The following GLIPR1L1 variants were observed in gnomAD, a reference collection of about 807,000 sequenced individuals.
GLIPR1L1 encodes GLIPR1-like protein 1.
In GLIPR1L1, 26 loss-of-function variants were observed where a neutral mutation model predicts 29.9. That is an observed-to-expected ratio of 0.87 (90% CI 0.64 to 1.21). GLIPR1L1 has a LOEUF of 1.21. GLIPR1L1 is among the 50% of genes most tolerant of loss of function. The probability of loss-of-function intolerance (pLI) is 0.00; values close to 1 mark genes in which losing one functional copy is unlikely to be tolerated. For missense variants in GLIPR1L1, 305 were observed against 290.3 expected, an observed-to-expected ratio of 1.05 and a Z score of -0.37; for synonymous variants, 77 against 97.5, an observed-to-expected ratio of 0.79 and a Z score of 1.24.
chr12:75,347,204 T>A (rs1408959481), intron 2 of GLIPR1L1, among the ~76,000 whole-genome samples: 1 of 152,146 alleles, frequency 6.6e-6, no homozygotes, highest in South Asian at 2.1e-4. Context: ...AAATTTAAGA[T>A]GTAATTTGTA....
At chr12:75,362,332 G>A (rs2043650990) in intron 3 of GLIPR1L1, among the ~76,000 whole-genome samples, 1 of 152,070 alleles carries the variant, frequency 6.6e-6, no homozygotes, top group African/African-American at 2.4e-5. Flanking sequence ...TTATTAGAAT[G>A]GCTAGAGAGT....
intron 4 of GLIPR1L1, among the ~76,000 whole-genome samples, chr12:75,366,415 T>C (rs922591801): frequency 1.3e-5 from 2 of 152,142 alleles, no homozygotes; most frequent in Non-Finnish European, 2.9e-5. Context: ...AACTCTTGAG[T>C]TGCAGATTGA....
chr12:75,347,461 G>A (rs1288265030), intron 2 of GLIPR1L1, among the ~76,000 whole-genome samples, 161 bp from the exon 3 acceptor site: 1 of 151,864 alleles, frequency 6.6e-6, no homozygotes, highest in East Asian at 1.9e-4. Context: ...GACAATATAA[G>A]AATTTTAATA....
chr12:75,351,345 G>A (rs932660695), intron 3 of GLIPR1L1, among the ~76,000 whole-genome samples: 1 of 152,092 alleles, frequency 6.6e-6, no homozygotes, highest in African/African-American at 2.4e-5. Flanking sequence ...ACCCCCGTAA[G>A]ATACTCCATG....
intron 1 of GLIPR1L1, among the ~76,000 whole-genome samples, chr12:75,335,486 ATTG>A (rs1471072307): frequency 1.3e-5 from 2 of 152,218 alleles, no homozygotes; most frequent in African/African-American, 2.4e-5. Context: ...TTTCCCTTGC[ATTG>A]TAACTTTTTC....
Position 75,346,548 on chromosome 12 carries a change from G to A in GLIPR1L1, c.421-1074G>A, listed in dbSNP as rs544456337. Among the ~76,000 whole-genome samples, 29 of 152,150 alleles carry A rather than the reference G, an allele frequency of 1.9e-4. No homozygotes were observed. The East Asian group carries it at 2.5e-3, about 13-fold the overall frequency. ...TAGGATTACAGGCACATGCCACCAC[G>A]CTCAGCTAGTTTTTGTATTTTTAGT... On this transcript the variant is annotated intron_variant, in intron 2 of 5. Coordinates refer to ENST00000378695, the MANE Select transcript of GLIPR1L1 (RefSeq NM_001304964.2).
At chr12:75,365,903 A>G (rs1247454267) in intron 4 of GLIPR1L1, among the ~76,000 whole-genome samples, 1 of 152,174 alleles carries the variant, frequency 6.6e-6, no homozygotes, top group Non-Finnish European at 1.5e-5. Flanking sequence ...CAAAAATTAC[A>G]CAAGCAAAGA....
chr12:75,355,697 A>G (rs557472429), intron 3 of GLIPR1L1, among the ~76,000 whole-genome samples: 62 of 152,334 alleles, frequency 4.1e-4, no homozygotes, highest in African/African-American at 1.4e-3. Context: ...GCGCAGCACT[A>G]TTTATAATAG....
intron 1 of GLIPR1L1, among the ~76,000 whole-genome samples, chr12:75,339,182 T>G (rs900814630): frequency 2.6e-5 from 4 of 152,178 alleles, no homozygotes; most frequent in Non-Finnish European, 4.4e-5. Context: ...TGCCACACTG[T>G]CCTCCACAAT....
At chr12:75,369,150 C>A (rs1049657141) in intron 4 of GLIPR1L1, among the ~76,000 whole-genome samples, 1 of 151,770 alleles carries the variant, frequency 6.6e-6, no homozygotes, top group African/African-American at 2.4e-5. Flanking sequence ...GGTGATTAAG[C>A]GTATTAAATA....
intron 4 of GLIPR1L1, among the ~76,000 whole-genome samples, chr12:75,366,640 C>A (rs530166743): frequency 4.1e-5 from 6 of 146,466 alleles, no homozygotes; most frequent in Non-Finnish European, 9.1e-5. Context: ...CAGATTGTTG[C>A]CTACTTTTTT....
chr12:75,338,833 T>A (rs1053035315), intron 1 of GLIPR1L1, among the ~76,000 whole-genome samples: 3 of 76,804 alleles, frequency 3.9e-5, no homozygotes, highest in African/African-American at 9.5e-5. Context: ...CTCCCACTTA[T>A]AAGTGAGAAC....
intron 2 of GLIPR1L1, among the ~76,000 whole-genome samples, chr12:75,346,661 T>A (rs771395526): frequency 6.6e-6 from 1 of 152,236 alleles, no homozygotes. Flanking sequence ...ATCTCGTTTT[T>A]AAGTTCTCAG....
At chr12:75,344,821 G>A (rs1044234897) in intron 2 of GLIPR1L1, among the ~76,000 whole-genome samples, 4 of 152,002 alleles carry the variant, frequency 2.6e-5, no homozygotes, top group African/African-American at 9.7e-5. Flanking sequence ...AATATGTTAG[G>A]TAGAATAAAA....
At chr12:75,365,341 A>C (rs1434587497) in intron 4 of GLIPR1L1, 2 of 152,318 alleles carry the variant, frequency 1.3e-5, no homozygotes, top group African/African-American at 2.4e-5. Context: ...GTTAGAACAG[A>C]AAAAGGAAAG....
intron 3 of GLIPR1L1, among the ~76,000 whole-genome samples, chr12:75,349,841 T>A (rs1004032262): frequency 2.6e-5 from 4 of 151,918 alleles, no homozygotes; most frequent in Non-Finnish European, 5.9e-5. Flanking sequence ...AAGAAAAAAA[T>A]TATCCAAGAT....
chr12:75,335,316 T>A (rs1443036472), intron 1 of GLIPR1L1, among the ~76,000 whole-genome samples: 1 of 152,142 alleles, frequency 6.6e-6, no homozygotes, highest in Admixed American at 6.5e-5. Flanking sequence ...TATTTTTATA[T>A]CATATGAATC....
At chr12:75,338,520 A>AT (rs1377417169) in intron 1 of GLIPR1L1, among the ~76,000 whole-genome samples, 5 of 151,182 alleles carry the variant, frequency 3.3e-5, no homozygotes, top group African/African-American at 9.7e-5. Flanking sequence ...TTTTTTTTCC[A>AT]TTTTTTCCTG....
intron 1 of GLIPR1L1, among the ~76,000 whole-genome samples, 171 bp from the exon 2 acceptor site, chr12:75,343,522 C>T (rs2042253738): frequency 6.6e-6 from 1 of 151,930 alleles, no homozygotes; most frequent in Non-Finnish European, 1.5e-5. Flanking sequence ...ATAAGTATTT[C>T]TGAAGTAGAA....
Sources: gnomAD v4.1 joint callset for allele counts (sites outside exome capture counted in the v4.1 genomes callset) on GRCh38, gnomAD v4.1.1 for gene constraint, MANE v1.5 for transcripts, NCBI Gene and HGNC (gene_info 2026-07-23, HGNC 2026-07-21) for gene names.